Variants in CYP2C19 observed in about 807,000 individuals in gnomAD.
CYP2C19 encodes cytochrome P450 family 2 subfamily C member 19, also known as cytochrome P450 2C19.
A neutral mutation model predicts 40.9 loss-of-function variants in CYP2C19; 59 were observed. The ratio of observed to expected loss-of-function variants is 1.44; its 90% CI spans 1.17 to 1.79. The LOEUF (loss-of-function observed/expected upper bound fraction) is 1.79, where lower values mean the gene tolerates loss of function less well. Among genes scored for constraint, CYP2C19 ranks in the 40% most tolerant of loss-of-function variants. The pLI, the probability that CYP2C19 is intolerant of heterozygous loss-of-function variation, is 0.00. For missense variants in CYP2C19, 754 were observed against 596.9 expected, an observed-to-expected ratio of 1.26 and a Z score of -2.74; for synonymous variants, 253 against 208.7, an observed-to-expected ratio of 1.21 and a Z score of -1.83.
At chr10:94,797,280 A>T (rs185757101) in intron 5 of CYP2C19, among the ~76,000 whole-genome samples, 1 of 152,174 alleles carries the variant, frequency 6.6e-6, no homozygotes, top group East Asian at 1.9e-4. Context: ...TTCTGTTTAT[A>T]TGCTGGATTA....
chr10:94,819,024 A>G (rs1849065296), intron 5 of CYP2C19, among the ~76,000 whole-genome samples: 2 of 149,912 alleles, frequency 1.3e-5, no homozygotes, highest in Non-Finnish European at 3.0e-5. Context: ...AAGAACAGAA[A>G]TTATAACAAA....
chr10:94,766,340 A>T (rs889859050), intron 1 of CYP2C19, among the ~76,000 whole-genome samples: 5 of 152,078 alleles, frequency 3.3e-5, no homozygotes, highest in Non-Finnish European at 5.9e-5. Flanking sequence ...ATAGATAGGC[A>T]AAGAATAAAT....
intron 5 of CYP2C19, among the ~76,000 whole-genome samples, chr10:94,809,426 AC>A (rs996984832): frequency 2.0e-5 from 3 of 151,918 alleles, no homozygotes; most frequent in Non-Finnish European, 2.9e-5. Flanking sequence ...CTGTGCTGAA[AC>A]TTTTTAACGT....
chr10:94,771,118 G>A (rs1439491714), intron 1 of CYP2C19, among the ~76,000 whole-genome samples: 1 of 152,092 alleles, frequency 6.6e-6, no homozygotes, highest in Non-Finnish European at 1.5e-5. Flanking sequence ...CCCCAGGTCT[G>A]CCTTGATCTG....
intron 6 of CYP2C19, among the ~76,000 whole-genome samples, chr10:94,839,981 C>CTTTT (rs1018144193): frequency 6.6e-6 from 1 of 151,798 alleles, no homozygotes; most frequent in African/African-American, 2.4e-5. Flanking sequence ...TACCTTTTTG[C>CTTTT]TTTTTTTTAT....
intron 5 of CYP2C19, among the ~76,000 whole-genome samples, chr10:94,795,607 T>A (rs1476654920): frequency 6.6e-6 from 1 of 152,162 alleles, no homozygotes; most frequent in East Asian, 1.9e-4. Context: ...TAAACTAGTT[T>A]ACAGTCCCAC....
intron 5 of CYP2C19, among the ~76,000 whole-genome samples, chr10:94,804,906 A>C (rs938122232): frequency 9.2e-5 from 14 of 152,122 alleles, no homozygotes; most frequent in African/African-American, 3.4e-4. Flanking sequence ...AATGTTTAAT[A>C]GTTTTTAGTG....
intron 8 of CYP2C19, 122 bp from the exon 9 acceptor site, chr10:94,852,611 T>C: frequency 2.9e-6 from 3 of 1,032,472 alleles, no homozygotes; most frequent in Non-Finnish European, 1.4e-6. Flanking sequence ...TATCTACTCA[T>C]CCCTCCTATG....
chr10:94,831,313 C>T (rs1341189621), intron 6 of CYP2C19, among the ~76,000 whole-genome samples: 1 of 152,148 alleles, frequency 6.6e-6, no homozygotes, highest in Non-Finnish European at 1.5e-5. Context: ...AAGTCTTAGC[C>T]ATTGTAAACA....
intron 5 of CYP2C19, among the ~76,000 whole-genome samples, chr10:94,807,242 A>T (rs1008614487): frequency 2.6e-5 from 4 of 152,060 alleles, no homozygotes; most frequent in Non-Finnish European, 4.4e-5. Context: ...ATTGGTAATT[A>T]GTTTTCCATG....
At position 94,820,601 on chromosome 10, in the gene CYP2C19, G is replaced by A. The variant is rs768021854; in HGVS notation, c.925G>A (p.Ala309Thr). 26 of 1,614,064 alleles carry A rather than the reference G, an allele frequency of 1.6e-5. No homozygotes were observed. The South Asian group carries it at 2.6e-4, about 16-fold the overall frequency. Residue 309 changes from alanine (A) to threonine (T), a missense_variant, in exon 6 of 9, where the codon GCT (alanine) becomes ACT (threonine). Ala to Thr is a moderately conservative substitution (Grantham distance 58, BLOSUM62 0). Transcript: ENST00000371321. ...TETTSTTLRY[A>T]LLLLLKHPEV... Reference sequence around the variant, plus strand: ...GACAACAAGCACAACCCTGAGATATGCTCTCCTTCTCCTGCTGAAGCACCC... The same window carrying A: ...GACAACAAGCACAACCCTGAGATATACTCTCCTTCTCCTGCTGAAGCACCC...
intron 6 of CYP2C19, among the ~76,000 whole-genome samples, chr10:94,837,212 C>G (rs190106071): frequency 8.5e-5 from 13 of 152,116 alleles, no homozygotes; most frequent in Non-Finnish European, 1.3e-4. Flanking sequence ...TTCTGTACTC[C>G]TAAAATTGGA....
chr10:94,774,888 G>A (rs1848385004), intron 1 of CYP2C19, 170 bp from the exon 2 acceptor site: 6 of 712,506 alleles, frequency 8.4e-6, no homozygotes, highest in Non-Finnish European at 1.1e-5. Context: ...GGCCATCTGA[G>A]TGGCAAGTAT....
chr10:94,778,854 GAACC>G (rs1848445225), intron 3 of CYP2C19, among the ~76,000 whole-genome samples: 1 of 152,030 alleles, frequency 6.6e-6, no homozygotes, highest in African/African-American at 2.4e-5. Flanking sequence ...CAAAGACTTG[GAACC>G]AACCCAAATG....
chr10:94,794,995 A>G (rs1022851939), intron 5 of CYP2C19, among the ~76,000 whole-genome samples: 7 of 151,732 alleles, frequency 4.6e-5, no homozygotes, highest in African/African-American at 1.7e-4. Flanking sequence ...AGTTTTCTTT[A>G]TATATGTAAA....
chr10:94,839,536 C>T (rs549060498), intron 6 of CYP2C19, among the ~76,000 whole-genome samples: 2 of 152,262 alleles, frequency 1.3e-5, no homozygotes, highest in East Asian at 3.9e-4. Context: ...ACCCAGCTGC[C>T]CCATCAACAT....
intron 6 of CYP2C19, among the ~76,000 whole-genome samples, chr10:94,840,838 C>A (rs1849483981): frequency 6.6e-6 from 1 of 152,152 alleles, no homozygotes; most frequent in African/African-American, 2.4e-5. Flanking sequence ...AAGCCCTTCC[C>A]CAGATAACCT....
chr10:94,766,400 G>A (rs567992022), intron 1 of CYP2C19, among the ~76,000 whole-genome samples: 8 of 152,164 alleles, frequency 5.3e-5, no homozygotes, highest in East Asian at 1.9e-4. Flanking sequence ...TATCCAGGCC[G>A]AGTAAAAGGT....
chr10:94,773,170 C>A (rs887028013), intron 1 of CYP2C19, among the ~76,000 whole-genome samples: 8 of 152,152 alleles, frequency 5.3e-5, no homozygotes, highest in Non-Finnish European at 1.2e-4. Context: ...TGAAAGGGAT[C>A]CAGTGGTACT....
Sources: allele counts gnomAD v4.1 joint callset (sites outside exome capture counted in the v4.1 genomes callset), GRCh38; gene constraint gnomAD v4.1.1; transcripts MANE v1.5; gene names NCBI Gene and HGNC (gene_info 2026-07-23, HGNC 2026-07-21).